CHRM3: variants seen among roughly 807,000 people sequenced by gnomAD.
CHRM3 encodes cholinergic receptor muscarinic 3, also known as muscarinic acetylcholine receptor M3.
Under a neutral mutation model 41.8 loss-of-function variants are expected in CHRM3, and 11 were observed. That is an observed-to-expected ratio of 0.26 (90% CI 0.17 to 0.44). CHRM3 has a LOEUF of 0.44. Among genes scored for constraint, CHRM3 ranks in the 20% least tolerant of loss-of-function variants. The probability of loss-of-function intolerance (pLI) is 1.00; values close to 1 mark genes in which losing one functional copy is unlikely to be tolerated. For synonymous variants in CHRM3, 297 were observed against 301.4 expected, an observed-to-expected ratio of 0.99 and a Z score of 0.15; for missense variants, 571 against 745.4, an observed-to-expected ratio of 0.77 and a Z score of 2.72.
chr1:239,387,478 G>A lies in CHRM3; in HGVS notation c.-521+251G>A, dbSNP rs956762536. Among the ~76,000 whole-genome samples the A allele has an allele frequency of 6.6e-6, 1 of 152,012 alleles. No homozygotes were observed. Among genetic ancestry groups the A allele is most frequent in the African/African-American group, 2.4e-5 (1 of 41,388 alleles). On this transcript the variant is annotated intron_variant, in intron 1 of 6. Transcript: ENST00000676153. This position sits in a 1 kb window ranked among gnomAD's most constrained non-coding sequence, Gnocchi z 5.1. ...TTGGAGTTCTGGGACTGAGGGTGGG[G>A]AACGCCCGCTGGCACTCAAGTGCCC...
chr1:239,817,732 A>AGC (rs1671708666), intron 5 of CHRM3, among the ~76,000 whole-genome samples: 1 of 152,068 alleles, frequency 6.6e-6, no homozygotes, highest in South Asian at 2.1e-4. Flanking sequence ...CTCTAAGCTC[A>AGC]GACTTTTAGA....
At chr1:239,814,021 A>T (rs1172605339) in intron 5 of CHRM3, among the ~76,000 whole-genome samples, 1 of 148,682 alleles carries the variant, frequency 6.7e-6, no homozygotes, top group Non-Finnish European at 1.5e-5. Flanking sequence ...GAAAGTCATT[A>T]CTCGCTTTAA....
intron 5 of CHRM3, among the ~76,000 whole-genome samples, chr1:239,791,062 A>C (rs1012685779): frequency 1.3e-5 from 2 of 151,586 alleles, no homozygotes; most frequent in South Asian, 2.1e-4. Flanking sequence ...AAAAAAAAAA[A>C]AACACACAAA....
At chr1:239,519,251 G>A (rs1165882391) in intron 2 of CHRM3, among the ~76,000 whole-genome samples, 1 of 152,048 alleles carries the variant, frequency 6.6e-6, no homozygotes, top group African/African-American at 2.4e-5. Context: ...AGCATGTTAT[G>A]TACAATCTTC....
chr1:239,742,729 T>C (rs552287239), intron 5 of CHRM3, among the ~76,000 whole-genome samples: 11 of 152,246 alleles, frequency 7.2e-5, no homozygotes, highest in African/African-American at 2.6e-4. Context: ...ATTTAATTAG[T>C]AGTAAAGATG....
intron 1 of CHRM3, among the ~76,000 whole-genome samples, chr1:239,464,342 C>A (rs189718505): frequency 1.3e-3 from 194 of 148,906 alleles, no homozygotes; most frequent in Non-Finnish European, 2.4e-3. Context: ...AATCTAAGAA[C>A]ATATGTATAT....
chr1:239,764,933 C>T (rs954407782), intron 5 of CHRM3, among the ~76,000 whole-genome samples: 1 of 152,348 alleles, frequency 6.6e-6, no homozygotes, highest in Middle Eastern at 3.4e-3. Flanking sequence ...AGTTGACTGG[C>T]CTCCACTGAG....
At chr1:239,400,345 G>A (rs1314925483) in intron 1 of CHRM3, among the ~76,000 whole-genome samples, 2 of 151,972 alleles carry the variant, frequency 1.3e-5, no homozygotes, top group African/African-American at 4.8e-5. Flanking sequence ...TATATGTTCT[G>A]GTTATTAATC....
chr1:239,529,588 G>A (rs79910762), intron 2 of CHRM3, among the ~76,000 whole-genome samples: 2,987 of 143,256 alleles, frequency 0.021, 95 homozygotes, highest in African/African-American at 0.073. Flanking sequence ...CTCTAGCCTG[G>A]GTGACAGAGA....
intron 6 of CHRM3, among the ~76,000 whole-genome samples, chr1:239,864,748 A>G (rs377510399): frequency 1.3e-4 from 20 of 152,204 alleles, no homozygotes; most frequent in African/African-American, 4.8e-4. Context: ...AGAATCTAGA[A>G]AAATGGAAGA....
At chr1:239,844,065 A>G (rs1674065882) in intron 6 of CHRM3, among the ~76,000 whole-genome samples, 2 of 152,140 alleles carry the variant, frequency 1.3e-5, no homozygotes, top group Non-Finnish European at 2.9e-5. Flanking sequence ...CTCACTTATT[A>G]TTTCTTTGTG....
At chr1:239,657,641 C>G (rs1353523008) in intron 4 of CHRM3, among the ~76,000 whole-genome samples, 1 of 152,136 alleles carries the variant, frequency 6.6e-6, no homozygotes, top group Admixed American at 6.5e-5. Flanking sequence ...TGACATTTTT[C>G]CCTCCATCGG....
At chr1:239,834,693 T>C (rs1418078583) in intron 6 of CHRM3, among the ~76,000 whole-genome samples, 2 of 152,116 alleles carry the variant, frequency 1.3e-5, no homozygotes, top group Non-Finnish European at 2.9e-5. Flanking sequence ...TATTCATGCC[T>C]CCTCGCTCAG....
At chr1:239,691,615 A>G (rs1369128325) in intron 5 of CHRM3, among the ~76,000 whole-genome samples, 2 of 152,164 alleles carry the variant, frequency 1.3e-5, no homozygotes, top group African/African-American at 2.4e-5. Context: ...ATCTTATCAT[A>G]TAGTTATTCA....
In CHRM3 at chr1:239,908,393, G is replaced by T; in HGVS notation, c.942G>T (p.Trp314Cys). The T allele has an allele frequency of 1.2e-6, 2 of 1,614,042 alleles. No homozygotes were observed. The highest frequency in any genetic ancestry group is 1.7e-6 in the Non-Finnish European group (2 of 1,180,026). Residue 314 changes from tryptophan to cysteine, a missense_variant, in exon 7 of 7, where the codon TGG becomes TGT. This residue lies in a region of CHRM3 where 239 missense variants were observed against 239.6 expected (regional missense o/e 1.00). Transcript: ENST00000676153. The surrounding 1 kb of genome is among the most constrained non-coding windows in gnomAD (Gnocchi z 7.2). ...GGAAGTATGGCCGCTGCCACTTCTG[G>T]TTCACAACCAAGAGCTGGAAACCCA... ...NRRKYGRCHFWFTTKSWKPSS... is the reference protein window; with the variant it reads ...NRRKYGRCHFCFTTKSWKPSS...
At chr1:239,796,407 A>G (rs1442561015) in intron 5 of CHRM3, among the ~76,000 whole-genome samples, 1 of 152,204 alleles carries the variant, frequency 6.6e-6, no homozygotes, top group East Asian at 1.9e-4. Flanking sequence ...AGGAACGTAT[A>G]CCACCAAAGG....
intron 4 of CHRM3, among the ~76,000 whole-genome samples, chr1:239,645,988 T>C (rs1346488143): frequency 6.6e-6 from 1 of 152,106 alleles, no homozygotes; most frequent in African/African-American, 2.4e-5. Flanking sequence ...AATTAAAGCA[T>C]AACATTTGTA....
At chr1:239,772,584 G>A (rs1353646164) in intron 5 of CHRM3, among the ~76,000 whole-genome samples, 1 of 152,126 alleles carries the variant, frequency 6.6e-6, no homozygotes, top group Non-Finnish European at 1.5e-5. Flanking sequence ...ATTGTTCTAC[G>A]TTGTCTACAG....
chr1:239,497,172 G>C (rs372553190), intron 2 of CHRM3, among the ~76,000 whole-genome samples: 1 of 152,026 alleles, frequency 6.6e-6, no homozygotes, highest in East Asian at 1.9e-4. Flanking sequence ...TTATCATTTG[G>C]GTTAGGCACC....
Sources: gnomAD v4.1 joint callset for allele counts (sites outside exome capture counted in the v4.1 genomes callset) on GRCh38, gnomAD v4.1.1 for gene constraint, gnomAD v4.1.1 regional missense constraint, Gnocchi (gnomAD v3.1) non-coding constraint, MANE v1.5 for transcripts, NCBI Gene and HGNC (gene_info 2026-07-23, HGNC 2026-07-21) for gene names.